PGBD1: variants seen among roughly 807,000 people sequenced by gnomAD.
The protein encoded by PGBD1 is piggyBac transposable element-derived protein 1.
In PGBD1, 25 loss-of-function variants were observed where a neutral mutation model predicts 34.7. The ratio of observed to expected loss-of-function variants is 0.72; its 90% confidence interval spans 0.52 to 1.00. The LOEUF is 1.00. Ranked by LOEUF, PGBD1 falls within the 50% of genes least tolerant of loss-of-function variation. The pLI, the probability that PGBD1 is intolerant of heterozygous loss-of-function variation, is 0.00. For synonymous variants in PGBD1, 292 were observed against 335.7 expected (o/e 0.87, Z 1.42); for missense variants, 830 against 959.4 (o/e 0.87, Z 1.78).
chr6:28,292,238 G>C (rs1473805338), intron 4 of PGBD1, among the ~76,000 whole-genome samples: 2 of 151,884 alleles, frequency 1.3e-5, no homozygotes, highest in African/African-American at 4.8e-5. Flanking sequence ...AAAGTTGCAG[G>C]ATAAAAAATC....
intron 2 of PGBD1, among the ~76,000 whole-genome samples, chr6:28,284,564 G>C (rs1217004326): frequency 6.6e-6 from 1 of 152,102 alleles, no homozygotes; most frequent in Non-Finnish European, 1.5e-5. Flanking sequence ...GGAGTGCAGT[G>C]GTACGATCAT....
At chr6:28,296,570 T>A (rs1410861095) in intron 4 of PGBD1, among the ~76,000 whole-genome samples, 1 of 152,214 alleles carries the variant, frequency 6.6e-6, no homozygotes, top group East Asian at 1.9e-4. Context: ...GTGGAAGAAT[T>A]CTTTGTAGTG....
chr6:28,301,698 T>C lies in PGBD1; in HGVS notation c.1844T>C (p.Leu615Ser), dbSNP rs774294777. 1 of 1,614,164 alleles carries C rather than the reference T, an allele frequency of 6.2e-7. No homozygotes were observed. The highest frequency in any genetic ancestry group is 8.5e-7 in the Non-Finnish European group (1 of 1,180,008). ...NLVMNFADVLLERGQYPYHLC... is the reference protein window; with the variant it reads ...NLVMNFADVLSERGQYPYHLC... The stretch of plus-strand genomic sequence containing the variant: ...GTGATGAACTTCGCTGATGTTCTTT[T>C]AGAGAGAGGTCAGTATCCCTATCAC... The change falls in exon 7 of 7, where the codon TTA becomes TCA. Residue 615 changes from leucine (L) to serine (S), a missense_variant. Leu to Ser is a moderately radical substitution (Grantham distance 145). Around this residue, in one of 3 missense-constraint regions of PGBD1, gnomAD observed 372 missense variants for 427.9 expected, o/e 0.87. Transcript: ENST00000682144.
chr6:28,285,401 G>T (rs1762256131), intron 2 of PGBD1, 150 bp from the exon 3 acceptor site: 3 of 719,026 alleles, frequency 4.2e-6, no homozygotes, highest in Non-Finnish European at 6.4e-6. Context: ...ACATCCACTT[G>T]TTTGTTGTTT....
chr6:28,285,463 C>CT, intron 2 of PGBD1, 88 bp from the exon 3 acceptor site: 4 of 1,360,692 alleles, frequency 2.9e-6, no homozygotes, highest in Non-Finnish European at 4.0e-6. Context: ...TTGTTTGCTG[C>CT]TGTATCCCCA....
intron 1 of PGBD1, among the ~76,000 whole-genome samples, chr6:28,282,404 A>T (rs1440652983): frequency 6.6e-6 from 1 of 152,216 alleles, no homozygotes; most frequent in Non-Finnish European, 1.5e-5. Flanking sequence ...AACGAGTTTA[A>T]TGAAAACTTT....
At chr6:28,296,439 A>G (rs1762634696) in intron 4 of PGBD1, among the ~76,000 whole-genome samples, 1 of 152,246 alleles carries the variant, frequency 6.6e-6, no homozygotes, top group African/African-American at 2.4e-5. Flanking sequence ...ACTTTCTTGA[A>G]TTACTGACTT....
Position 28,292,125 on chromosome 6 carries a change from G to A in PGBD1, c.643-4691G>A, listed in dbSNP as rs190613510. On this transcript the variant is annotated intron_variant, in intron 4 of 6. Coordinates refer to ENST00000682144, the MANE Select transcript of PGBD1 (RefSeq NM_032507.4). ...AAATAAATGGCATCCAAACCGGATAGCAAAAAGTCAGGTTAGTCTGTTCGC... is the reference window on the plus strand; with the variant it reads ...AAATAAATGGCATCCAAACCGGATAACAAAAAGTCAGGTTAGTCTGTTCGC... 3.3e-5 allele frequency among the ~76,000 whole-genome samples: 5 copies of A among 152,260 alleles called. No individual in the cohort carries two copies. The East Asian group carries it at 9.6e-4, about 29-fold the overall frequency.
At chr6:28,285,736 C>T (rs372616014) in intron 3 of PGBD1, 29 bp downstream of exon 3, 47 of 1,598,290 alleles carry the variant, frequency 2.9e-5, no homozygotes, top group African/African-American at 2.6e-4. Flanking sequence ...TTAGTGAGGA[C>T]GCTGGGAGCT....
At chr6:28,288,672 A>G (rs934327539) in intron 4 of PGBD1, among the ~76,000 whole-genome samples, 9 of 152,010 alleles carry the variant, frequency 5.9e-5, no homozygotes, top group African/African-American at 2.2e-4. Context: ...CCTGAGCAAC[A>G]CAGCAAGACC....
At chr6:28,287,007 G>T in intron 3 of PGBD1, 73 bp from the exon 4 acceptor site, 1 of 1,128,462 alleles carries the variant, frequency 8.9e-7, no homozygotes. Context: ...TGGGGGAAAA[G>T]GCTGGGTCTC....
intron 3 of PGBD1, among the ~76,000 whole-genome samples, chr6:28,286,840 A>G (rs949036267): frequency 6.6e-6 from 1 of 152,074 alleles, no homozygotes; most frequent in African/African-American, 2.4e-5. Flanking sequence ...ACTGTAAAGC[A>G]CCTTATGAGT....
chr6:28,291,819 A>T (rs898054313), intron 4 of PGBD1, among the ~76,000 whole-genome samples: 3 of 152,240 alleles, frequency 2.0e-5, no homozygotes, highest in African/African-American at 7.2e-5. Flanking sequence ...AATAAATGTG[A>T]TATATCACAT....
intron 4 of PGBD1, among the ~76,000 whole-genome samples, chr6:28,294,308 GC>G (rs1484694210): frequency 6.6e-6 from 1 of 152,190 alleles, no homozygotes; most frequent in African/African-American, 2.4e-5. Flanking sequence ...TAAGGAAGAA[GC>G]CATCTCTATA....
At position 28,302,115 on chromosome 6, in the gene PGBD1, G is replaced by A. The variant is rs756097900; in HGVS notation, c.2261G>A (p.Arg754Lys). 7.4e-6 allele frequency: 12 copies of A among 1,614,160 alleles called. No homozygotes were observed. The highest frequency in any genetic ancestry group is 9.3e-6 in the Non-Finnish European group (11 of 1,180,018). ...ATTTCGAAATACAGGGTGAGGATAAGAAGCAAGAAATGGTACTCAATTTTG... is the reference window on the plus strand; with the variant it reads ...ATTTCGAAATACAGGGTGAGGATAAAAAGCAAGAAATGGTACTCAATTTTG... ...QIISKYRVRI[R>K]SKKWYSILVS... The change falls in exon 7 of 7, where the codon AGA (arginine) becomes AAA (lysine). Residue 754 changes from arginine to lysine, a missense_variant. Arg to Lys is a conservative substitution (Grantham distance 26, BLOSUM62 2). Transcript: ENST00000682144.
Position 28,302,473 on chromosome 6 carries a change from A to T in PGBD1, c.*189A>T. 1 of 638,782 alleles carries T rather than the reference A, an allele frequency of 1.6e-6. No individual in the cohort carries two copies. The highest frequency in any genetic ancestry group is 3.5e-5 in the Admixed American group (1 of 28,662). The allele number at this position is 638,782 out of a possible 1,614,324, so 39.6% of individuals were successfully genotyped here. A position where few individuals can be genotyped will look rare whatever the true frequency, so the allele number is the denominator to read the frequency against. On this transcript the variant is annotated 3_prime_UTR_variant, in exon 7 of 7. Transcript: ENST00000682144. Reference sequence around the variant, plus strand: ...CAAGTAATGTTAAAAATTGTCTGTGAGAATGTTGAACTGTAGTACCTTTCT... The same window carrying T: ...CAAGTAATGTTAAAAATTGTCTGTGTGAATGTTGAACTGTAGTACCTTTCT...
intron 6 of PGBD1, among the ~76,000 whole-genome samples, chr6:28,298,900 CTT>C (rs770904359): frequency 3.2e-4 from 48 of 152,152 alleles, no homozygotes; most frequent in Non-Finnish European, 4.3e-4. Flanking sequence ...TCCTCAGAGA[CTT>C]GAGAAAAGAG....
Position 28,301,318 on chromosome 6 carries a change from G to A in PGBD1, c.1464G>A (p.Leu488=). The A allele has an allele frequency of 6.2e-7, 1 of 1,614,068 alleles. No homozygotes were observed. Among genetic ancestry groups the A allele is most frequent in the Non-Finnish European group, 8.5e-7 (1 of 1,180,012 alleles). The part of the protein sequence containing the change: ...YWEVSDTDQN[L]VRDAIRRDRF... ...AAGTCTCTGACACCGATCAGAACCT[G>A]GTTAGAGATGCAATCAGAAGGGACA... The change falls in exon 7 of 7, where the codon CTG becomes CTA. Residue 488 remains leucine, a synonymous_variant. Coordinates refer to ENST00000682144, the MANE Select transcript of PGBD1 (RefSeq NM_032507.4).
chr6:28,284,018 T>G lies in PGBD1; in HGVS notation c.205T>G (p.Cys69Gly). 1 of 1,614,092 alleles carries G rather than the reference T, an allele frequency of 6.2e-7. No individual in the cohort carries two copies. Among genetic ancestry groups the G allele is most frequent in the Non-Finnish European group, 8.5e-7 (1 of 1,179,996 alleles). Residue 69 changes from cysteine (C) to glycine (G), a missense_variant, in exon 2 of 7, where the codon TGT becomes GGT. Coordinates refer to ENST00000682144, the MANE Select transcript of PGBD1 (RefSeq NM_032507.4). ...AGCTCTGGCCCAACTCCGAGAACTT[T>G]GTCATCAATGGCTGAGACCGGAGAT... The part of the protein sequence containing the change: ...QEALAQLREL[C>G]HQWLRPEMHT...
Sources: gnomAD v4.1 joint callset for allele counts (sites outside exome capture counted in the v4.1 genomes callset) on GRCh38, gnomAD v4.1.1 for gene constraint, gnomAD v4.1.1 regional missense constraint, MANE v1.5 for transcripts, NCBI Gene and HGNC (gene_info 2026-07-23, HGNC 2026-07-21) for gene names.